GPR179: variants seen among roughly 807,000 people sequenced by gnomAD.
GPR179 encodes G protein-coupled receptor 179, also known as probable G protein-coupled receptor 179.
Under a neutral mutation model 70.8 loss-of-function variants are expected in GPR179, and 52 were observed. The ratio of observed to expected loss-of-function variants is 0.73; its 90% CI spans 0.59 to 0.93. The LOEUF is 0.93. Ranked by LOEUF, GPR179 falls within the 40% of genes least tolerant of loss-of-function variation. The probability of loss-of-function intolerance (pLI) is 0.00; values close to 1 mark genes in which losing one functional copy is unlikely to be tolerated. For missense variants in GPR179, 2,734 were observed against 2,966.8 expected, an observed-to-expected ratio of 0.92 and a Z score of 1.82; for synonymous variants, 1,123 against 1,169.0, an observed-to-expected ratio of 0.96 and a Z score of 0.80.
chr17:38,343,138 C>A lies in GPR179; in HGVS notation c.652G>T (p.Asp218Tyr). The part of the protein sequence containing the change: ...SLGSPKWPQA[D>Y]GYVGDTQQVR... The stretch of plus-strand genomic sequence containing the variant: ...TGCTGCGTGTCCCCCACATATCCAT[C>A]TGCCTGCGGCCACTTGGGGCTGCCG... The change falls in exon 1 of 11, where the codon GAT becomes TAT. Residue 218 changes from aspartate (D) to tyrosine (Y), a missense_variant. Transcript: ENST00000616987. This position sits in a 1 kb window ranked among gnomAD's most constrained non-coding sequence, Gnocchi z 4.2. 6.2e-7 allele frequency: 1 copy of A among 1,614,210 alleles called. No individual in the cohort carries two copies. The highest frequency in any genetic ancestry group is 1.6e-4 in the Middle Eastern group (1 of 6,062).
rs774211520 is a variant in GPR179, at chr17:38,343,513, G to T, written c.277C>A (p.Pro93Thr). The change falls in exon 1 of 11, where the codon CCA becomes ACA. Residue 93 changes from proline (P) to threonine (T), a missense_variant. By Grantham distance (38) the Pro-to-Thr change is conservative. Coordinates refer to ENST00000616987, the MANE Select transcript of GPR179 (RefSeq NM_001004334.4). The surrounding 1 kb of genome is among the most constrained non-coding windows in gnomAD (Gnocchi z 4.2). ...RGAGAMPGLP[P>T]SLQGAAGTLA... ...GTGCCCGCTGCCCCCTGTAGGCTTGGGGGGAGCCCTGGCATGGCTCCTGCC... is the reference window on the plus strand; with the variant it reads ...GTGCCCGCTGCCCCCTGTAGGCTTGTGGGGAGCCCTGGCATGGCTCCTGCC... 1.1e-5 allele frequency: 18 copies of T among 1,613,772 alleles called. No individual in the cohort carries two copies. The South Asian group carries it at 1.5e-4, about 14-fold the overall frequency.
chr17:38,333,197 C>T, intron 10 of GPR179, 54 bp downstream of exon 10: 1 of 1,559,832 alleles, frequency 6.4e-7, no homozygotes. Context: ...AGTCCTCCCT[C>T]TGCCCAGTTC....
Position 38,335,457 on chromosome 17 carries a change from G to T in GPR179, c.1406+134C>A, listed in dbSNP as rs538561804. ...AAGTAACATGGAAGACAAGGCTATG[G>T]TGATGGGGGTTGGCCTTGGGGGTAG... is the stretch of plus-strand genomic sequence containing the variant. On this transcript the variant is annotated intron_variant, in intron 6 of 10. Transcript: ENST00000616987. 132 of 775,782 alleles carry T rather than the reference G, an allele frequency of 1.7e-4. No individual in the cohort carries two copies. The African/African-American group carries it at 2.2e-3, about 13-fold the overall frequency. The allele number at this position is 775,782 out of a possible 1,614,324, so 48.1% of individuals were successfully genotyped here. A position where few individuals can be genotyped will look rare whatever the true frequency, so the allele number is the denominator to read the frequency against.
Position 38,335,147 on chromosome 17 carries a change from C to CCA in GPR179, c.1529_1530dup (p.Gly511TrpfsTer14). The CCA allele has an allele frequency of 6.3e-7, 1 of 1,591,526 alleles. No homozygotes were observed. Among genetic ancestry groups the CCA allele is most frequent in the Non-Finnish European group, 8.5e-7 (1 of 1,169,688 alleles). On this transcript the variant is annotated frameshift_variant, in exon 7 of 11. Transcript: ENST00000616987. LOFTEE classifies it high-confidence loss of function. ...TGCTGGATGCCTCGCTCCAGGGCGCCCACGGTCCACACAGCCAGGAAGCCC... is the reference window on the plus strand; with the variant it reads ...TGCTGGATGCCTCGCTCCAGGGCGCCCACACGGTCCACACAGCCAGGAAGCCC...
At chr17:38,342,598 C>T (rs1164674996) in intron 1 of GPR179, among the ~76,000 whole-genome samples, 1 of 152,216 alleles carries the variant, frequency 6.6e-6, no homozygotes, top group Non-Finnish European at 1.5e-5. Flanking sequence ...CTCAGCCTCC[C>T]AAAGTGTTGG....
At position 38,330,984 on chromosome 17, in the gene GPR179, G is replaced by T. The variant is rs767733711; in HGVS notation, c.2585C>A (p.Thr862Asn). 1 of 1,612,216 alleles carries T rather than the reference G, an allele frequency of 6.2e-7. No homozygotes were observed. The highest frequency in any genetic ancestry group is 8.5e-7 in the Non-Finnish European group (1 of 1,179,816). ...LMASQAYLEETYRQAKEREER... is the reference protein window; with the variant it reads ...LMASQAYLEENYRQAKEREER... ...CTCCCGCTCCTTTGCTTGCCGGTAG[G>T]TCTCCTCCAGGTAGGCCTGGCTGGC... Residue 862 changes from threonine (T) to asparagine (N), a missense_variant, in exon 11 of 11, where the codon ACC (threonine) becomes AAC (asparagine). Transcript: ENST00000616987.
rs376077978 is a variant in GPR179, at chr17:38,337,021, A to G, written c.1184T>C (p.Ile395Thr). ...LACQACCMLAIFLSMLVSYRC... is the reference protein window; with the variant it reads ...LACQACCMLATFLSMLVSYRC... ...GTAGGAGACCAGCATGCTCAGGAAG[A>G]TGGCCAGCATGCAGCAGGCCTGGCA... The change falls in exon 4 of 11, where the codon ATC becomes ACC. Residue 395 changes from isoleucine to threonine, a missense_variant. Coordinates refer to ENST00000616987, the MANE Select transcript of GPR179 (RefSeq NM_001004334.4). The G allele has an allele frequency of 2.0e-5, 32 of 1,607,798 alleles. No homozygotes were observed. The highest frequency in any genetic ancestry group is 2.4e-5 in the Non-Finnish European group (28 of 1,178,118).
At position 38,329,077 on chromosome 17, in the gene GPR179, C is replaced by T. The variant is rs149150751; in HGVS notation, c.4492G>A (p.Gly1498Ser). 3.7e-5 allele frequency: 60 copies of T among 1,613,500 alleles called. No individual in the cohort carries two copies. In the African/African-American group the frequency reaches 5.2e-4, roughly 14 times the overall value. ...TCCTTTTCTTGAAGAGATTCTCTAC[C>T]TGTCCCCAGACTCAGCATTTCCTGC... ...MGQEMLSLGT[G>S]RESLQEKEKA... is the part of the protein sequence containing the mutation. Residue 1498 changes from glycine to serine, a missense_variant, in exon 11 of 11, where the codon GGT becomes AGT. Gly to Ser is a moderately conservative substitution (Grantham distance 56). Coordinates refer to ENST00000616987, the MANE Select transcript of GPR179 (RefSeq NM_001004334.4).
chr17:38,337,105 A>T lies in GPR179; in HGVS notation c.1100T>A (p.Met367Lys), dbSNP rs376804518. The T allele has an allele frequency of 6.2e-7, 1 of 1,611,702 alleles. No homozygotes were observed. Among genetic ancestry groups the T allele is most frequent in the South Asian group, 1.1e-5 (1 of 90,492 alleles). Residue 367 changes from methionine (M) to lysine (K), a missense_variant, in exon 4 of 11, where the codon ATG (methionine) becomes AAG (lysine). By Grantham distance (95) the Met-to-Lys change is moderately conservative. Transcript: ENST00000616987. The part of the protein sequence containing the change: ...LPCPEGCTSC[M>K]DATPCLVEEA... ...TTCCACCAGGCACGGTGTGGCATCC[A>T]TGCAGCTGGTGCAGCCCTCAGGACA...
At position 38,327,988 on chromosome 17, in the gene GPR179, T is replaced by C; in HGVS notation, c.5581A>G (p.Lys1861Glu). The C allele has an allele frequency of 6.2e-7, 1 of 1,614,172 alleles. No individual in the cohort carries two copies. Among genetic ancestry groups the C allele is most frequent in the Non-Finnish European group, 8.5e-7 (1 of 1,180,038 alleles). The change falls in exon 11 of 11, where the codon AAA (lysine) becomes GAA (glutamate). Residue 1861 changes from lysine (K) to glutamate (E), a missense_variant. Transcript: ENST00000616987. ...RLTSLGEDVS[K>E]GMAKLCQQQE... ...TGTTGACACAGTTTTGCCATCCCTT[T>C]TGATACGTCTTCTCCCAGGGAAGTG...
intron 5 of GPR179, 118 bp from the exon 6 acceptor site, chr17:38,335,818 A>C (rs2037399931): frequency 2.8e-6 from 2 of 720,808 alleles, no homozygotes; most frequent in Non-Finnish European, 2.5e-6. Flanking sequence ...CACCACCTTC[A>C]TTCTGCAGAG....
At chr17:38,341,161 T>C (rs192625588) in intron 1 of GPR179, among the ~76,000 whole-genome samples, 2 of 152,282 alleles carry the variant, frequency 1.3e-5, no homozygotes, top group East Asian at 3.9e-4. Context: ...TCTCCAGTAT[T>C]ATGAATGTTC....
Position 38,329,640 on chromosome 17 carries a change from G to A in GPR179, c.3929C>T (p.Pro1310Leu), listed in dbSNP as rs2037331120. The A allele has an allele frequency of 1.9e-6, 3 of 1,614,030 alleles. No individual in the cohort carries two copies. The highest frequency in any genetic ancestry group is 1.3e-5 in the African/African-American group (1 of 74,914). ...IDVVPMMRKKPERLVREQEAV... is the reference protein window; with the variant it reads ...IDVVPMMRKKLERLVREQEAV... Reference sequence around the variant, plus strand: ...TTCCTGCTCCCTCACCAGCCTCTCTGGCTTTTTCCGCATCATGGGAACCAC... The same window carrying A: ...TTCCTGCTCCCTCACCAGCCTCTCTAGCTTTTTCCGCATCATGGGAACCAC... Residue 1310 changes from proline (P) to leucine (L), a missense_variant, in exon 11 of 11, where the codon CCA (proline) becomes CTA (leucine). Pro to Leu is a moderately conservative substitution (Grantham distance 98). Transcript: ENST00000616987.
rs191662617 is a variant in GPR179 at position 38,340,669 on chromosome 17, G to T, written c.795-1144C>A. Among the ~76,000 whole-genome samples, 584 of 152,342 alleles carry T rather than the reference G, an allele frequency of 3.8e-3. 6 individuals carry two copies. Among genetic ancestry groups the T allele is most frequent in the African/African-American group, 0.014 (567 of 41,570 alleles). On this transcript the variant is annotated intron_variant, in intron 1 of 10. Transcript: ENST00000616987. ...GCAGTGGCTCATGCCTGTAATCCCA[G>T]CACTTTGGGAGGCCGAGGCAGGTGC... is the stretch of plus-strand genomic sequence containing the variant.
rs781391422 is a variant in GPR179, at chr17:38,326,948, G to A, written c.6621C>T (p.Ser2207=). ...SGALDPELKV[S]PKEAGSMGSR... ...TTCCCATGCTGCCTGCTTCCTTGGGGCTGACTTTGAGTTCTGGGTCCAGGG... is the reference window on the plus strand; with the variant it reads ...TTCCCATGCTGCCTGCTTCCTTGGGACTGACTTTGAGTTCTGGGTCCAGGG... The change falls in exon 11 of 11, where the codon AGC becomes AGT. Residue 2207 remains serine (S), a synonymous_variant. Coordinates refer to ENST00000616987, the MANE Select transcript of GPR179 (RefSeq NM_001004334.4). The A allele has an allele frequency of 1.4e-5, 22 of 1,613,908 alleles. No homozygotes were observed. The highest frequency in any genetic ancestry group is 1.9e-5 in the Non-Finnish European group (22 of 1,180,014).
At position 38,343,693 on chromosome 17, in the gene GPR179, G is replaced by A. The variant is rs1451373621; in HGVS notation, c.97C>T (p.Arg33Cys). ...AWALGGPRPI[R>C]SLPPLSSQVK... ...TGGGAAGACAGAGGGGGCAGAGAGC[G>A]GATGGGCCGTGGACCCCCCAGAGCC... is the stretch of plus-strand genomic sequence containing the variant. Residue 33 changes from arginine to cysteine, a missense_variant, in exon 1 of 11, where the codon CGC becomes TGC. Transcript: ENST00000616987. The surrounding 1 kb of genome is among the most constrained non-coding windows in gnomAD (Gnocchi z 4.2). 1.4e-5 allele frequency: 23 copies of A among 1,606,460 alleles called. No individual in the cohort carries two copies. Among genetic ancestry groups the A allele is most frequent in the East Asian group, 4.5e-5 (2 of 44,724 alleles).
Position 38,328,173 on chromosome 17 carries a change from C to T in GPR179, c.5396G>A (p.Gly1799Asp). ...QELDHMGCRP[G>D]EVCPWEAQEA... Reference sequence around the variant, plus strand: ...CTGTGCTTCCCAGGGACACACTTCACCTGGCCTGCAGCCCATATGATCCAG... The same window carrying T: ...CTGTGCTTCCCAGGGACACACTTCATCTGGCCTGCAGCCCATATGATCCAG... Residue 1799 changes from glycine (G) to aspartate (D), a missense_variant, in exon 11 of 11, where the codon GGT becomes GAT. Transcript: ENST00000616987. The T allele has an allele frequency of 3.1e-6, 5 of 1,612,748 alleles. No homozygotes were observed. The highest frequency in any genetic ancestry group is 4.2e-6 in the Non-Finnish European group (5 of 1,179,774).
At position 38,327,200 on chromosome 17, in the gene GPR179, G is replaced by A; in HGVS notation, c.6369C>T (p.Pro2123=). The change falls in exon 11 of 11, where the codon CCC becomes CCT. Residue 2123 remains proline, a synonymous_variant. Coordinates refer to ENST00000616987, the MANE Select transcript of GPR179 (RefSeq NM_001004334.4). Reference sequence around the variant, plus strand: ...GGCAGATCTCTGCTTTCTTGGCAGAGGGAGCCTCTACCACTTCCCACAGAC... The same window carrying A: ...GGCAGATCTCTGCTTTCTTGGCAGAAGGAGCCTCTACCACTTCCCACAGAC... ...EVCLWEVVEA[P]SAKKAEICPW... is the part of the protein sequence containing the mutation. 6.2e-7 allele frequency: 1 copy of A among 1,614,240 alleles called. No individual in the cohort carries two copies. The highest frequency in any genetic ancestry group is 8.5e-7 in the Non-Finnish European group (1 of 1,180,042).
intron 3 of GPR179, 39 bp downstream of exon 3, chr17:38,337,594 A>G (rs777910571): frequency 2.7e-5 from 42 of 1,546,402 alleles, no homozygotes; most frequent in Non-Finnish European, 3.3e-5. Context: ...CCATCCTCTC[A>G]TGTAAAACAC....
Sources: gnomAD v4.1 joint callset for allele counts (sites outside exome capture counted in the v4.1 genomes callset) on GRCh38, gnomAD v4.1.1 for gene constraint, Gnocchi (gnomAD v3.1) non-coding constraint, MANE v1.5 for transcripts, NCBI Gene and HGNC (gene_info 2026-07-23, HGNC 2026-07-21) for gene names.